Variants in GLIS1 observed in about 807,000 individuals in gnomAD.
GLIS1 encodes the protein zinc finger protein GLIS1.
A neutral mutation model predicts 63.8 loss-of-function variants in GLIS1; 24 were observed. That is an observed-to-expected ratio of 0.38 (90% CI 0.27 to 0.53). GLIS1 has a LOEUF of 0.53. Ranked by LOEUF, GLIS1 falls within the 20% of genes least tolerant of loss-of-function variation. The probability of loss-of-function intolerance (pLI) is 0.85; values close to 1 mark genes in which losing one functional copy is unlikely to be tolerated. For missense variants in GLIS1, 1,036 were observed against 1,074.1 expected (o/e 0.96, Z 0.50); for synonymous variants, 450 against 482.5 (o/e 0.93, Z 0.88).
intron 2 of GLIS1, among the ~76,000 whole-genome samples, chr1:53,699,478 G>C (rs983639032): frequency 6.6e-6 from 1 of 152,178 alleles, no homozygotes; most frequent in Non-Finnish European, 1.5e-5. Context: ...TTTGGACTTT[G>C]GGAGATTTGC....
chr1:53,685,855 C>A (rs985282742), intron 2 of GLIS1, among the ~76,000 whole-genome samples: 1 of 152,218 alleles, frequency 6.6e-6, no homozygotes, highest in Non-Finnish European at 1.5e-5. Context: ...TGCTGGGAGC[C>A]GCTGCCACTG....
At chr1:53,701,711 G>T (rs910286195) in intron 2 of GLIS1, among the ~76,000 whole-genome samples, 1 of 152,166 alleles carries the variant, frequency 6.6e-6, no homozygotes, top group Non-Finnish European at 1.5e-5. Context: ...GAAAGAACTG[G>T]GTTGGGTGTG....
chr1:53,625,781 A>G (rs1219937020), intron 2 of GLIS1, among the ~76,000 whole-genome samples: 1 of 152,122 alleles, frequency 6.6e-6, no homozygotes, highest in Non-Finnish European at 1.5e-5. Context: ...TTAATTCCCA[A>G]TCCCCCCTTC....
intron 2 of GLIS1, among the ~76,000 whole-genome samples, chr1:53,683,797 T>G (rs1207799322): frequency 2.0e-5 from 3 of 151,956 alleles, no homozygotes; most frequent in African/African-American, 7.2e-5. Flanking sequence ...AAGCACACAG[T>G]GGGTGGTCAC....
chr1:53,557,640 C>T (rs1301998206), intron 4 of GLIS1, among the ~76,000 whole-genome samples: 1 of 152,148 alleles, frequency 6.6e-6, no homozygotes, highest in Non-Finnish European at 1.5e-5. Context: ...GAAACAGACG[C>T]ACAGGGCAGC....
At chr1:53,662,701 A>C (rs1202061186) in intron 2 of GLIS1, among the ~76,000 whole-genome samples, 1 of 152,092 alleles carries the variant, frequency 6.6e-6, no homozygotes, top group African/African-American at 2.4e-5. Context: ...GGCTGAGCTA[A>C]TTATCCCTCC....
At chr1:53,602,212 C>T (rs1028432612) in intron 2 of GLIS1, among the ~76,000 whole-genome samples, 3 of 152,094 alleles carry the variant, frequency 2.0e-5, no homozygotes, top group Non-Finnish European at 2.9e-5. Context: ...AATGAAATCC[C>T]TGGTAACAAA....
intron 2 of GLIS1, among the ~76,000 whole-genome samples, chr1:53,640,228 G>A (rs888303699): frequency 1.3e-5 from 2 of 152,140 alleles, no homozygotes; most frequent in Non-Finnish European, 2.9e-5. Flanking sequence ...GTCAGGCAGG[G>A]CAAACACTAC....
intron 4 of GLIS1, among the ~76,000 whole-genome samples, chr1:53,538,815 A>G (rs897840245): frequency 2.6e-5 from 4 of 152,168 alleles, no homozygotes; most frequent in African/African-American, 9.7e-5. Flanking sequence ...CTTCTCTGGC[A>G]AAAGTTCCTG....
At chr1:53,609,266 C>CTTTTTTTTTTTT (rs1221426769) in intron 2 of GLIS1, among the ~76,000 whole-genome samples, 10 of 81,412 alleles carry the variant, frequency 1.2e-4, no homozygotes, top group Non-Finnish European at 1.9e-4. Flanking sequence ...GGGTTTAAAT[C>CTTTTTTTTTTTT]TTTTTTTTTT....
Position 53,534,063 on chromosome 1 carries a change from G to A in GLIS1, c.1321-4111C>T, listed in dbSNP as rs972749175. 7.9e-5 allele frequency among the ~76,000 whole-genome samples: 12 copies of A among 152,038 alleles called. 1 individual carries two copies. Among genetic ancestry groups the A allele is most frequent in the African/African-American group, 2.4e-4 (10 of 41,310 alleles). On this transcript the variant is annotated intron_variant, in intron 4 of 10. Coordinates refer to ENST00000628545, the MANE Select transcript of GLIS1 (RefSeq NM_001367484.1). ...GTCCCGGGAGCAGCCTCCAATGAGT[G>A]CGAGGTAGCCTTTGGGGTGGGTGTG...
chr1:53,668,756 C>A (rs1372084899), intron 2 of GLIS1, among the ~76,000 whole-genome samples: 2 of 152,142 alleles, frequency 1.3e-5, no homozygotes, highest in African/African-American at 4.8e-5. Flanking sequence ...AGGTTTGTAG[C>A]CAAGGAGCAG....
chr1:53,729,885 G>A (rs867415154), intron 2 of GLIS1, among the ~76,000 whole-genome samples: 4 of 152,166 alleles, frequency 2.6e-5, no homozygotes, highest in South Asian at 2.1e-4. Flanking sequence ...GAAATGCCAC[G>A]ATATTACCTG....
chr1:53,679,372 C>G (rs1435620562), intron 2 of GLIS1, among the ~76,000 whole-genome samples: 1 of 152,232 alleles, frequency 6.6e-6, no homozygotes, highest in African/African-American at 2.4e-5. Flanking sequence ...TTTACTGAGA[C>G]AATCCGAGTT....
intron 2 of GLIS1, among the ~76,000 whole-genome samples, chr1:53,603,013 G>A: frequency 6.6e-6 from 1 of 152,330 alleles, no homozygotes; most frequent in South Asian, 2.1e-4. Flanking sequence ...AGTTTGCCAA[G>A]GTCACACAGG....
rs1645031147 is a variant in GLIS1, at chr1:53,576,260, A to G, written c.1320+17848T>C. 2.6e-5 allele frequency among the ~76,000 whole-genome samples: 4 copies of G among 151,916 alleles called. No individual in the cohort carries two copies. In the South Asian group the frequency reaches 8.3e-4, roughly 32 times the overall value. On this transcript the variant is annotated intron_variant, in intron 4 of 10. Transcript: ENST00000628545. ...AAATCCTCTCTCCTCCATCCTCCTC[A>G]ATGCCCCCTCCCAGATCCACACATC...
At chr1:53,545,282 T>TG (rs925084152) in intron 4 of GLIS1, among the ~76,000 whole-genome samples, 5 of 152,184 alleles carry the variant, frequency 3.3e-5, no homozygotes, top group African/African-American at 1.2e-4. Context: ...CTGTGGTCCA[T>TG]GGACCCCAAG....
At chr1:53,684,196 C>T (rs940371819) in intron 2 of GLIS1, among the ~76,000 whole-genome samples, 1 of 152,116 alleles carries the variant, frequency 6.6e-6, no homozygotes, top group Non-Finnish European at 1.5e-5. Context: ...TCCCCACCCC[C>T]AAGATCTCTG....
intron 2 of GLIS1, among the ~76,000 whole-genome samples, chr1:53,672,815 G>A (rs1435159913): frequency 6.6e-6 from 1 of 152,172 alleles, no homozygotes; most frequent in African/African-American, 2.4e-5. Flanking sequence ...ACAGCACCCA[G>A]CTCAGGGCTG....
Sources: allele counts gnomAD v4.1 joint callset (sites outside exome capture counted in the v4.1 genomes callset), GRCh38; gene constraint gnomAD v4.1.1; transcripts MANE v1.5; gene names NCBI Gene and HGNC (gene_info 2026-07-23, HGNC 2026-07-21).